MED9: variants seen among roughly 807,000 people sequenced by gnomAD.
The protein encoded by MED9 is mediator of RNA polymerase II transcription subunit 9.
A neutral mutation model predicts 13.2 loss-of-function variants in MED9; 8 were observed. That is an observed-to-expected ratio of 0.61 (90% confidence interval 0.36 to 1.10). MED9 has a LOEUF of 1.10. Among genes scored for constraint, MED9 ranks in the 50% least tolerant of loss-of-function variants. The pLI is 0.02. For synonymous variants in MED9, 87 were observed against 82.8 expected (o/e 1.05, Z -0.28); for missense variants, 180 against 193.4 (o/e 0.93, Z 0.41).
Position 17,483,082 on chromosome 17 carries a change from C to T in MED9, c.224+5817C>T, listed in dbSNP as rs1025072954. On this transcript the variant is annotated intron_variant, in intron 1 of 1. Transcript: ENST00000268711. This position sits in a 1 kb window ranked among gnomAD's most constrained non-coding sequence, Gnocchi z 4.2. Reference sequence around the variant, plus strand: ...TCTAGCAGCCTGCCTGATGCTAGATCATGATGCTTTTGTTAATGGAACATT... The same window carrying T: ...TCTAGCAGCCTGCCTGATGCTAGATTATGATGCTTTTGTTAATGGAACATT... Among the ~76,000 whole-genome samples, 1 of 152,298 alleles carries T rather than the reference C, an allele frequency of 6.6e-6. No individual in the cohort carries two copies. The highest frequency in any genetic ancestry group is 1.9e-4 in the East Asian group (1 of 5,188).
chr17:17,477,155 C>A lies in MED9; in HGVS notation c.114C>A (p.Val38=). 1 of 1,609,320 alleles carries A rather than the reference C, an allele frequency of 6.2e-7. No homozygotes were observed. Among genetic ancestry groups the A allele is most frequent in the East Asian group, 2.2e-5 (1 of 44,802 alleles). ...TGCCGCCTCCTCAGCCGCCGCCGGT[C>A]CCTGCGCCTCAACCGCAGCAGTCGC... is the stretch of plus-strand genomic sequence containing the variant. ...KPLPPPQPPP[V]PAPQPQQSPA... Residue 38 remains valine (V), a synonymous_variant, in exon 1 of 2, where the codon GTC becomes GTA. Transcript: ENST00000268711.
Position 17,492,140 on chromosome 17 carries a change from A to C in MED9, c.*645A>C, listed in dbSNP as rs1180432395. 6.5e-6 allele frequency: 1 copy of C among 154,112 alleles called. No individual in the cohort carries two copies. Among genetic ancestry groups the C allele is most frequent in the African/African-American group, 2.4e-5 (1 of 41,456 alleles). 9.5% of individuals were successfully genotyped at this position (154,112 alleles called of 1,614,324 possible). A position where few individuals can be genotyped will look rare whatever the true frequency, so the allele number is the denominator to read the frequency against. ...GCTTCAGCCTAGAGCCCTGCCAGGC[A>C]GCCCCTGGCTCCAGGTTCCCTGCCT... On this transcript the variant is annotated 3_prime_UTR_variant, in exon 2 of 2. Transcript: ENST00000268711.
rs965083484 is a variant in MED9, at chr17:17,492,659, C to T, written c.*1164C>T. The stretch of plus-strand genomic sequence containing the variant: ...AAGAGCAGTTCTCTCCGTTGCCTCT[C>T]GAGGAGGAGGTGCGAAGTCCTGGAG... On this transcript the variant is annotated 3_prime_UTR_variant, in exon 2 of 2. Transcript: ENST00000268711. 3.3e-5 allele frequency: 5 copies of T among 152,170 alleles called. No homozygotes were observed. Among genetic ancestry groups the T allele is most frequent in the African/African-American group, 7.2e-5 (3 of 41,400 alleles). 9.4% of individuals were successfully genotyped at this position (152,170 alleles called of 1,614,324 possible).
At chr17:17,488,846 A>G (rs935549846) in intron 1 of MED9, among the ~76,000 whole-genome samples, 2 of 152,134 alleles carry the variant, frequency 1.3e-5, no homozygotes, top group Non-Finnish European at 2.9e-5. Context: ...AAAAAAAAGA[A>G]AAAAAGAAAC....
chr17:17,491,481 A>G lies in MED9; in HGVS notation c.427A>G (p.Ile143Val). ...GTACAAGAGCCTCTGCATGTTCGAA[A>G]TCCCCAAGGAGTAGAGTGAGGCTGA... ...QKYKSLCMFE[I>V]PKE Residue 143 changes from isoleucine (I) to valine (V), a missense_variant, in exon 2 of 2, where the codon ATC (isoleucine) becomes GTC (valine). Coordinates refer to ENST00000268711, the MANE Select transcript of MED9 (RefSeq NM_018019.3). The G allele has an allele frequency of 5.0e-6, 8 of 1,612,504 alleles. No individual in the cohort carries two copies. The highest frequency in any genetic ancestry group is 6.8e-6 in the Non-Finnish European group (8 of 1,178,682).
intron 1 of MED9, among the ~76,000 whole-genome samples, chr17:17,490,459 A>G (rs1905209196): frequency 6.6e-6 from 1 of 152,226 alleles, no homozygotes; most frequent in Non-Finnish European, 1.5e-5. Context: ...CAAAAAATGT[A>G]CAGGAGCAAC....
intron 1 of MED9, among the ~76,000 whole-genome samples, chr17:17,489,813 C>T (rs1462110623): frequency 6.6e-6 from 1 of 152,214 alleles, no homozygotes; most frequent in Non-Finnish European, 1.5e-5. Flanking sequence ...CATACCCTCC[C>T]TCTGAGTTTA....
chr17:17,481,893 C>A (rs556801128), intron 1 of MED9, among the ~76,000 whole-genome samples: 2 of 152,178 alleles, frequency 1.3e-5, no homozygotes, highest in Non-Finnish European at 2.9e-5. Context: ...TTAGCTAACT[C>A]TTTTCCAAAA....
intron 1 of MED9, chr17:17,486,405 G>T (rs1597851334): frequency 6.5e-6 from 1 of 152,696 alleles, no homozygotes; most frequent in African/African-American, 2.4e-5. Flanking sequence ...GGGCCAGCTG[G>T]AGTTCCGGCT....
At chr17:17,490,262 C>T (rs1231316475) in intron 1 of MED9, among the ~76,000 whole-genome samples, 1 of 152,154 alleles carries the variant, frequency 6.6e-6, no homozygotes, top group African/African-American at 2.4e-5. Context: ...ATGGTGAAAC[C>T]CTGTCTCTAC....
rs1255199661 is a variant in MED9, at chr17:17,483,219, T to G, written c.224+5954T>G. Among the ~76,000 whole-genome samples the G allele has an allele frequency of 1.3e-5, 2 of 152,254 alleles. No homozygotes were observed. The highest frequency in any genetic ancestry group is 2.9e-5 in the Non-Finnish European group (2 of 68,038). The stretch of plus-strand genomic sequence containing the variant: ...CAGCATTTAATTAGTCTCTTTGCCT[T>G]TATGCTTATTTTATCTTGTGAATGT... On this transcript the variant is annotated intron_variant, in intron 1 of 1. Transcript: ENST00000268711. The surrounding 1 kb of genome is among the most constrained non-coding windows in gnomAD (Gnocchi z 4.2).
At chr17:17,478,508 A>G (rs1248202628) in intron 1 of MED9, among the ~76,000 whole-genome samples, 1 of 152,140 alleles carries the variant, frequency 6.6e-6, no homozygotes, top group Non-Finnish European at 1.5e-5. Context: ...AAATAACTAC[A>G]AAGGCTTTGT....
chr17:17,477,520 C>T (rs976205122), intron 1 of MED9: 1 of 477,964 alleles, frequency 2.1e-6, no homozygotes, highest in Admixed American at 3.9e-5. Context: ...GACTCTTGTC[C>T]AGCGGCTCAA....
At chr17:17,490,498 A>G (rs1043870721) in intron 1 of MED9, among the ~76,000 whole-genome samples, 2 of 152,120 alleles carry the variant, frequency 1.3e-5, no homozygotes, top group Non-Finnish European at 2.9e-5. Context: ...ATCTTAAGTG[A>G]GATTGTTCTT....
intron 1 of MED9, among the ~76,000 whole-genome samples, chr17:17,490,967 C>A (rs1262828388): frequency 2.0e-5 from 3 of 152,128 alleles, no homozygotes; most frequent in Non-Finnish European, 4.4e-5. Flanking sequence ...CACACTGGGC[C>A]GGGGGTAGGG....
rs1240472371 is a variant in MED9 at position 17,491,649 on chromosome 17, C to T, written c.*154C>T. ...TCCTGTGCTGCTGCGCGCGCTTCGC[C>T]TGTGCGGGAGCCAGCGCAGAGCTTG... On this transcript the variant is annotated 3_prime_UTR_variant, in exon 2 of 2. Transcript: ENST00000268711. 1 of 739,288 alleles carries T rather than the reference C, an allele frequency of 1.4e-6. No individual in the cohort carries two copies. The highest frequency in any genetic ancestry group is 2.2e-6 in the Non-Finnish European group (1 of 453,450). The allele number at this position is 739,288 out of a possible 1,614,324, so 45.8% of individuals were successfully genotyped here. A position where few individuals can be genotyped will look rare whatever the true frequency, so the allele number is the denominator to read the frequency against.
chr17:17,482,257 G>C (rs1304615732), intron 1 of MED9, among the ~76,000 whole-genome samples: 2 of 152,162 alleles, frequency 1.3e-5, no homozygotes, highest in African/African-American at 4.8e-5. Context: ...TGGGATATGT[G>C]AATCTGTTTG....
rs1445467644 is a variant in MED9, at chr17:17,491,728, G to C, written c.*233G>C. 9.6e-6 allele frequency: 5 copies of C among 520,310 alleles called. No individual in the cohort carries two copies. In the East Asian group the frequency reaches 1.7e-4, roughly 18 times the overall value. The allele number at this position is 520,310 out of a possible 1,614,324, so 32.2% of individuals were successfully genotyped here. ...CATATGTCTAGATGCATAATAACTG[G>C]AGTGCCTGCTGGTGGAAGTCAGAAT... On this transcript the variant is annotated 3_prime_UTR_variant, in exon 2 of 2. Transcript: ENST00000268711.
Position 17,483,721 on chromosome 17 carries a change from G to A in MED9, c.224+6456G>A, listed in dbSNP as rs151290400. 5.3e-4 allele frequency among the ~76,000 whole-genome samples: 80 copies of A among 152,194 alleles called. No homozygotes were observed. Among genetic ancestry groups the A allele is most frequent in the Non-Finnish European group, 8.7e-4 (59 of 68,010 alleles). Reference sequence around the variant, plus strand: ...TGGGAGGCCGAGGCGGGTGGATCACGAGGTCAGGAGATCGAGACCATCCTG... The same window carrying A: ...TGGGAGGCCGAGGCGGGTGGATCACAAGGTCAGGAGATCGAGACCATCCTG... On this transcript the variant is annotated intron_variant, in intron 1 of 1. Transcript: ENST00000268711. This position sits in a 1 kb window ranked among gnomAD's most constrained non-coding sequence, Gnocchi z 4.2.
Sources: gnomAD v4.1 joint callset for allele counts (sites outside exome capture counted in the v4.1 genomes callset) on GRCh38, gnomAD v4.1.1 for gene constraint, Gnocchi (gnomAD v3.1) non-coding constraint, MANE v1.5 for transcripts, NCBI Gene and HGNC (gene_info 2026-07-23, HGNC 2026-07-21) for gene names.